The following PAIP2 variants were observed in gnomAD, a reference collection of about 807,000 sequenced individuals.
PAIP2 encodes poly(A) binding protein interacting protein 2, also known as polyadenylate-binding protein-interacting protein 2.
Under a neutral mutation model 14.8 loss-of-function variants are expected in PAIP2, and 7 were observed. The ratio of observed to expected loss-of-function variants is 0.47; its 90% CI spans 0.27 to 0.89. PAIP2 has a LOEUF of 0.89. PAIP2 is among the 40% of genes least tolerant of loss of function. The pLI is 0.13. For missense variants in PAIP2, 122 were observed against 154.7 expected (o/e 0.79, Z 1.12); for synonymous variants, 47 against 45.3 (o/e 1.04, Z -0.15).
At chr5:139,345,626 ATTTT>A (rs34133705) in intron 1 of PAIP2, among the ~76,000 whole-genome samples, 1 of 138,956 alleles carries the variant, frequency 7.2e-6, no homozygotes, top group African/African-American at 2.6e-5. Flanking sequence ...CTATGCTTGA[ATTTT>A]TTTTTTTTTT....
chr5:139,348,678 CTTTTT>C (rs761015051), intron 1 of PAIP2, among the ~76,000 whole-genome samples: 2 of 127,530 alleles, frequency 1.6e-5, no homozygotes, highest in African/African-American at 5.8e-5. Context: ...ATCTTTGTAT[CTTTTT>C]TTTTTTTTTT....
chr5:139,362,028 A>C lies in PAIP2; in HGVS notation c.-26-1731A>C, dbSNP rs556664719. On this transcript the variant is annotated intron_variant, in intron 1 of 3. Transcript: ENST00000265192. ...CTTGACATGGACCTAGAGAAAAAGC[A>C]GACACAGAATATGGGCTATCAAGGA... Among the ~76,000 whole-genome samples, 5 of 152,172 alleles carry C rather than the reference A, an allele frequency of 3.3e-5. 1 individual carries two copies. The South Asian group carries it at 1.0e-3, about 32-fold the overall frequency.
intron 1 of PAIP2, among the ~76,000 whole-genome samples, chr5:139,362,053 AGAGATCCAGAGC>A: frequency 6.6e-6 from 1 of 152,222 alleles, no homozygotes; most frequent in South Asian, 2.1e-4. Context: ...GCTATCAAGG[AGAGATCCAGAGC>A]TATATACATG....
chr5:139,364,554 A>C lies in PAIP2; in HGVS notation c.139-10A>C. The C allele has an allele frequency of 6.6e-7, 1 of 1,515,588 alleles. No individual in the cohort carries two copies. The highest frequency in any genetic ancestry group is 9.1e-7 in the Non-Finnish European group (1 of 1,094,434). The allele number at this position is 1,515,588 out of a possible 1,614,324, so 93.9% of individuals were successfully genotyped here. A position where few individuals can be genotyped will look rare whatever the true frequency, so the allele number is the denominator to read the frequency against. ...AGTGTGCTATAAATTATCCTTTATT[A>C]TAAATCTAGATAGAAGAGGAGTTAT... On this transcript the variant is annotated splice_polypyrimidine_tract_variant and intron_variant, in intron 2 of 3. Coordinates refer to ENST00000265192, the MANE Select transcript of PAIP2 (RefSeq NM_016480.5).
At chr5:139,346,025 A>G (rs1298668355) in intron 1 of PAIP2, among the ~76,000 whole-genome samples, 1 of 152,220 alleles carries the variant, frequency 6.6e-6, no homozygotes, top group Admixed American at 6.5e-5. Flanking sequence ...CATAGACAAT[A>G]TAAAAGGACA....
At chr5:139,350,693 C>T (rs1467831119) in intron 1 of PAIP2, among the ~76,000 whole-genome samples, 1 of 150,840 alleles carries the variant, frequency 6.6e-6, no homozygotes, top group East Asian at 1.9e-4. Context: ...ATCATACCTG[C>T]AACTTATCAA....
At chr5:139,366,618 C>T (rs1757263929) in intron 3 of PAIP2, among the ~76,000 whole-genome samples, 1 of 152,058 alleles carries the variant, frequency 6.6e-6, no homozygotes, top group African/African-American at 2.4e-5. Context: ...ATCCAGTTGC[C>T]CTGCAGAGTA....
chr5:139,358,294 AGAT>A (rs1188860282), intron 1 of PAIP2, among the ~76,000 whole-genome samples: 7 of 152,254 alleles, frequency 4.6e-5, no homozygotes, highest in African/African-American at 1.7e-4. Flanking sequence ...AGTATTAAAT[AGAT>A]GATGACTGTA....
intron 1 of PAIP2, among the ~76,000 whole-genome samples, chr5:139,360,483 CT>C (rs1757036925): frequency 6.6e-6 from 1 of 152,038 alleles, no homozygotes; most frequent in South Asian, 2.1e-4. Flanking sequence ...TGCCTTTCTT[CT>C]TTTGTTTGAT....
At chr5:139,343,793 T>C (rs907426657) in intron 1 of PAIP2, among the ~76,000 whole-genome samples, 27 of 148,426 alleles carry the variant, frequency 1.8e-4, no homozygotes, top group Non-Finnish European at 3.1e-4. Context: ...ATTGGCTCAC[T>C]GCAACCTCCG....
chr5:139,350,580 G>A (rs557803799), intron 1 of PAIP2, among the ~76,000 whole-genome samples: 3 of 151,738 alleles, frequency 2.0e-5, no homozygotes, highest in Admixed American at 6.6e-5. Context: ...GCAGTGAGCC[G>A]AGATTGTGCC....
At chr5:139,360,777 C>CTT (rs61294239) in intron 1 of PAIP2, among the ~76,000 whole-genome samples, 3 of 141,898 alleles carry the variant, frequency 2.1e-5, no homozygotes, top group Admixed American at 7.0e-5. Context: ...TCCTGCCTTT[C>CTT]TTTTTTTTTT....
Position 139,364,887 on chromosome 5 carries a change from G to T in PAIP2, c.318+144G>T, listed in dbSNP as rs140251016. The T allele has an allele frequency of 7.1e-4, 409 of 578,768 alleles. 5 individuals are homozygous for T. The highest frequency in any genetic ancestry group is 7.0e-3 in the African/African-American group (369 of 53,054). 35.9% of individuals were successfully genotyped at this position (578,768 alleles called of 1,614,324 possible). On this transcript the variant is annotated intron_variant, in intron 3 of 3. Transcript: ENST00000265192. ...CTGGCCGGGCATGTGGCTCACGCCT[G>T]TAATCCCAGCACTTTGGGAGGCCGA...
chr5:139,364,704 C>T lies in PAIP2; in HGVS notation c.279C>T (p.Asp93=), dbSNP rs1302397071. ...ACCAAATCCAAGACCAGTTTAATGA[C>T]CTTGTTATCAGTGATGGCTCTTCTC... ...TMDQIQDQFN[D]LVISDGSSLE... The change falls in exon 3 of 4, where the codon GAC becomes GAT. Residue 93 remains aspartate (D), a synonymous_variant. Transcript: ENST00000265192. 2 of 1,612,448 alleles carry T rather than the reference C, an allele frequency of 1.2e-6. No homozygotes were observed. Among genetic ancestry groups the T allele is most frequent in the Non-Finnish European group, 1.7e-6 (2 of 1,178,988 alleles).
chr5:139,366,202 C>CAAAAAAAAAAAAAA (rs1215094572), intron 3 of PAIP2, among the ~76,000 whole-genome samples: 1 of 25,318 alleles, frequency 3.9e-5, no homozygotes, highest in Non-Finnish European at 8.9e-5. Context: ...GACTCCACCT[C>CAAAAAAAAAAAAAA]AAAAAAAAAA....
At chr5:139,360,856 C>CTGCAA (rs1757049981) in intron 1 of PAIP2, among the ~76,000 whole-genome samples, 1 of 151,718 alleles carries the variant, frequency 6.6e-6, no homozygotes, top group African/African-American at 2.4e-5. Context: ...TCTTGCCTCT[C>CTGCAA]TGCAACCTCT....
At chr5:139,358,889 G>C (rs55996520) in intron 1 of PAIP2, among the ~76,000 whole-genome samples, 3,130 of 152,316 alleles carry the variant, frequency 0.021, 117 homozygotes, top group African/African-American at 0.072. Flanking sequence ...CTACAGATGG[G>C]TATGGAGTTT....
At chr5:139,347,268 CTTTTTTTTTTT>C (rs34018719) in intron 1 of PAIP2, among the ~76,000 whole-genome samples, 4 of 105,884 alleles carry the variant, frequency 3.8e-5, no homozygotes, top group African/African-American at 7.4e-5. Context: ...CATGTTACAA[CTTTTTTTTTTT>C]TTTTTTTTTT....
chr5:139,350,407 C>T (rs1182423899), intron 1 of PAIP2, among the ~76,000 whole-genome samples: 2 of 151,832 alleles, frequency 1.3e-5, no homozygotes, highest in African/African-American at 2.4e-5. Context: ...CCGAGGTGGG[C>T]GGATCATGAG....
Sources: allele counts gnomAD v4.1 joint callset (sites outside exome capture counted in the v4.1 genomes callset), GRCh38; gene constraint gnomAD v4.1.1; transcripts MANE v1.5; gene names NCBI Gene and HGNC (gene_info 2026-07-23, HGNC 2026-07-21).